FNDC3B: variants seen among roughly 807,000 people sequenced by gnomAD.
The protein encoded by FNDC3B is fibronectin type III domain containing 3B, also known as fibronectin type III domain-containing protein 3B.
FNDC3B carries 12 observed loss-of-function variants against 151.5 expected under a neutral mutation model. That is an observed-to-expected ratio of 0.08 (90% CI 0.05 to 0.13). FNDC3B has a LOEUF of 0.13. FNDC3B is among the 10% of genes least tolerant of loss of function. The pLI, the probability that FNDC3B is intolerant of heterozygous loss-of-function variation, is 1.00. For missense variants in FNDC3B, 1,214 were observed against 1,505.3 expected, an observed-to-expected ratio of 0.81 and a Z score of 3.20; for synonymous variants, 528 against 549.0, an observed-to-expected ratio of 0.96 and a Z score of 0.54.
rs935536735 is a variant in FNDC3B, at chr3:172,316,797, C to T, written c.1254+5916C>T. Among the ~76,000 whole-genome samples, 7 of 152,180 alleles carry T rather than the reference C, an allele frequency of 4.6e-5. No individual in the cohort carries two copies. The South Asian group carries it at 1.2e-3, about 27-fold the overall frequency. The stretch of plus-strand genomic sequence containing the variant: ...TTTATCTAAAGAAACCTGAATTAAT[C>T]GTCTCAGCTTTGTCTCTGTCTTCAT... On this transcript the variant is annotated intron_variant, in intron 11 of 25. Coordinates refer to ENST00000415807, the MANE Select transcript of FNDC3B (RefSeq NM_022763.4).
intron 6 of FNDC3B, among the ~76,000 whole-genome samples, chr3:172,262,023 C>T (rs552359483): frequency 3.3e-5 from 5 of 151,812 alleles, no homozygotes; most frequent in South Asian, 2.1e-4. Context: ...TGGAAAATAA[C>T]GAGACTGGAA....
intron 3 of FNDC3B, among the ~76,000 whole-genome samples, chr3:172,142,358 A>T (rs1721667541): frequency 6.6e-6 from 1 of 152,238 alleles, no homozygotes; most frequent in Non-Finnish European, 1.5e-5. Flanking sequence ...ATGCAATCGC[A>T]GTTTAACTCC....
intron 2 of FNDC3B, among the ~76,000 whole-genome samples, chr3:172,128,737 C>T (rs1720924909): frequency 6.6e-6 from 1 of 152,158 alleles, no homozygotes; most frequent in South Asian, 2.1e-4. Context: ...GTATCATTTT[C>T]CCCCTTAAAG....
chr3:172,148,480 G>A (rs1429980993), intron 3 of FNDC3B: 1 of 152,048 alleles, frequency 6.6e-6, no homozygotes, highest in African/African-American at 2.4e-5. Flanking sequence ...AAGTGACTCA[G>A]AATTCAAAAT....
In FNDC3B at chr3:172,109,387, C is replaced by T. The variant is rs1007857907; in HGVS notation, c.-28-3065C>T. Among the ~76,000 whole-genome samples, 10 of 152,094 alleles carry T rather than the reference C, an allele frequency of 6.6e-5. No homozygotes were observed. The South Asian group carries it at 1.0e-3, about 16-fold the overall frequency. On this transcript the variant is annotated intron_variant, in intron 1 of 25. Transcript: ENST00000415807. ...TTCACCGTTTTAGCCGGGATGGTCT[C>T]GATCTCCTGACCTCGTGATCCGCCC...
rs373977868 is a variant in FNDC3B, at chr3:172,309,456, T to C, written c.1201-1372T>C. Among the ~76,000 whole-genome samples the C allele has an allele frequency of 3.5e-4, 42 of 120,688 alleles. No individual in the cohort carries two copies. In the South Asian group the frequency reaches 0.01, roughly 29 times the overall value. 79.2% of individuals were successfully genotyped at this position (120,688 alleles called of 152,430 possible). A position where few individuals can be genotyped will look rare whatever the true frequency, so the allele number is the denominator to read the frequency against. On this transcript the variant is annotated intron_variant, in intron 10 of 25. Transcript: ENST00000415807. ...CAAAGAACAGTTTTTTTTTGAGTTC[T>C]CATCTTAGAGATGGGTTCTCATCTT... is the stretch of plus-strand genomic sequence containing the variant.
chr3:172,063,462 G>A (rs1717319712), intron 1 of FNDC3B, among the ~76,000 whole-genome samples: 2 of 152,136 alleles, frequency 1.3e-5, no homozygotes, highest in South Asian at 4.1e-4. Flanking sequence ...TCCCCTTCTA[G>A]CCCCAAAGAC....
intron 1 of FNDC3B, among the ~76,000 whole-genome samples, chr3:172,106,237 G>A (rs1257105134): frequency 2.0e-5 from 3 of 152,196 alleles, no homozygotes; most frequent in African/African-American, 7.2e-5. Context: ...CTGGGCTGAA[G>A]CCATCATCTT....
intron 23 of FNDC3B, 21 bp downstream of exon 23, chr3:172,362,866 C>T: frequency 6.4e-7 from 1 of 1,572,454 alleles, no homozygotes; most frequent in Non-Finnish European, 8.7e-7. Context: ...GGTGAGGATG[C>T]TCCTGAAGCT....
intron 19 of FNDC3B, among the ~76,000 whole-genome samples, 165 bp downstream of exon 19, chr3:172,344,423 G>A (rs1733504284): frequency 1.3e-5 from 2 of 152,128 alleles, no homozygotes; most frequent in African/African-American, 2.4e-5. Context: ...TGATATTGTT[G>A]TGATTTCATA....
At chr3:172,249,687 C>T (rs1043549183) in intron 5 of FNDC3B, among the ~76,000 whole-genome samples, 1 of 152,092 alleles carries the variant, frequency 6.6e-6, no homozygotes, top group African/African-American at 2.4e-5. Context: ...CATTTACTAT[C>T]CTTCTGGTAT....
intron 1 of FNDC3B, among the ~76,000 whole-genome samples, chr3:172,055,639 T>C (rs1366024584): frequency 1.3e-5 from 2 of 152,166 alleles, no homozygotes; most frequent in African/African-American, 4.8e-5. Context: ...TCTGAAGTGT[T>C]TGCCATTAAC....
At chr3:172,301,209 T>C (rs901538664) in intron 9 of FNDC3B, among the ~76,000 whole-genome samples, 8 of 152,228 alleles carry the variant, frequency 5.3e-5, no homozygotes, top group Non-Finnish European at 5.9e-5. Context: ...TGTAAAGTCA[T>C]GTATAAGTGC....
chr3:172,222,080 C>G (rs1237051028), intron 3 of FNDC3B, among the ~76,000 whole-genome samples: 1 of 152,092 alleles, frequency 6.6e-6, no homozygotes, highest in African/African-American at 2.4e-5. Flanking sequence ...GATGTCAACT[C>G]CTTTACATCC....
At chr3:172,066,176 C>T (rs1717486741) in intron 1 of FNDC3B, among the ~76,000 whole-genome samples, 1 of 152,206 alleles carries the variant, frequency 6.6e-6, no homozygotes, top group Admixed American at 6.5e-5. Context: ...TCTGTTCTGT[C>T]TTCCCATGAT....
chr3:172,140,703 G>T (rs1211597183), intron 3 of FNDC3B, among the ~76,000 whole-genome samples: 1 of 152,152 alleles, frequency 6.6e-6, no homozygotes, highest in African/African-American at 2.4e-5. Context: ...CATCTTGCTG[G>T]GATTGTGTAA....
intron 3 of FNDC3B, among the ~76,000 whole-genome samples, chr3:172,183,964 A>G (rs1724049194): frequency 6.6e-6 from 1 of 152,234 alleles, no homozygotes; most frequent in African/African-American, 2.4e-5. Context: ...GTACATGGCT[A>G]GATGTGTAAC....
intron 6 of FNDC3B, among the ~76,000 whole-genome samples, chr3:172,267,280 C>G (rs963144844): frequency 2.0e-5 from 3 of 152,204 alleles, no homozygotes; most frequent in Admixed American, 1.3e-4. Context: ...CTCAGCCTCC[C>G]AAGTAGCTGG....
chr3:172,316,110 C>G (rs9817278), intron 11 of FNDC3B, among the ~76,000 whole-genome samples: 3 of 148,310 alleles, frequency 2.0e-5, no homozygotes, highest in East Asian at 2.0e-4. Context: ...CAGGTTCAAG[C>G]GATTCCCCTG....
Sources: allele counts gnomAD v4.1 joint callset (sites outside exome capture counted in the v4.1 genomes callset), GRCh38; gene constraint gnomAD v4.1.1; transcripts MANE v1.5; gene names NCBI Gene and HGNC (gene_info 2026-07-23, HGNC 2026-07-21).